The following OPCML variants were observed in gnomAD, a reference collection of about 807,000 sequenced individuals.
OPCML encodes opioid-binding protein/cell adhesion molecule.
In OPCML, 13 loss-of-function variants were observed where a neutral mutation model predicts 37.8. The ratio of observed to expected loss-of-function variants is 0.34; its 90% confidence interval spans 0.22 to 0.55. OPCML has a LOEUF of 0.55. Ranked by LOEUF, OPCML falls within the 20% of genes least tolerant of loss-of-function variation. The pLI, the probability that OPCML is intolerant of heterozygous loss-of-function variation, is 0.91. For missense variants in OPCML, 341 were observed against 435.6 expected, an observed-to-expected ratio of 0.78 and a Z score of 1.93; for synonymous variants, 176 against 168.8, an observed-to-expected ratio of 1.04 and a Z score of -0.33.
intron 1 of OPCML, chr11:133,008,742 C>T (rs1189744754): frequency 6.3e-6 from 2 of 317,800 alleles, no homozygotes; most frequent in African/African-American, 2.3e-5. Flanking sequence ...GATATGACTG[C>T]AACAATGTCC....
chr11:133,242,937 AT>A (rs1276946029), intron 1 of OPCML, among the ~76,000 whole-genome samples: 1 of 152,232 alleles, frequency 6.6e-6, no homozygotes, highest in African/African-American at 2.4e-5. Context: ...ATAGTAAAAA[AT>A]ATAAGTCAAA....
chr11:133,107,279 T>C (rs1312639711), intron 1 of OPCML, among the ~76,000 whole-genome samples: 1 of 152,200 alleles, frequency 6.6e-6, no homozygotes, highest in Non-Finnish European at 1.5e-5. Flanking sequence ...TGTTTGTGAT[T>C]TTCATTAGAG....
chr11:132,625,041 C>A (rs906245767), intron 3 of OPCML, among the ~76,000 whole-genome samples: 5 of 152,050 alleles, frequency 3.3e-5, no homozygotes, highest in African/African-American at 1.2e-4. Flanking sequence ...CTCTTGTTCC[C>A]CCCAAAATAA....
intron 1 of OPCML, among the ~76,000 whole-genome samples, chr11:133,451,709 G>T (rs1946583327): frequency 6.8e-6 from 1 of 148,134 alleles, no homozygotes; most frequent in African/African-American, 2.7e-5. Context: ...TGGGTGTGGT[G>T]GCGGGTGCCT....
rs191692163 is a variant in OPCML, at chr11:132,763,479, C to T, written c.147-106160G>A. Among the ~76,000 whole-genome samples, 251 of 152,210 alleles carry T rather than the reference C, an allele frequency of 1.6e-3. 2 individuals are homozygous for T. Among genetic ancestry groups the T allele is most frequent in the Middle Eastern group, 3.4e-3 (1 of 294 alleles). ...CACATTTGCCTAATTTGAAAAGTGACGCTCTTTCCACTATGCGTTGTGGCT... is the reference window on the plus strand; with the variant it reads ...CACATTTGCCTAATTTGAAAAGTGATGCTCTTTCCACTATGCGTTGTGGCT... On this transcript the variant is annotated intron_variant, in intron 2 of 7. Coordinates refer to ENST00000524381, the MANE Select transcript of OPCML (RefSeq NM_001012393.5).
intron 1 of OPCML, among the ~76,000 whole-genome samples, chr11:133,353,379 T>TA (rs1319213885): frequency 3.9e-5 from 6 of 152,078 alleles, no homozygotes; most frequent in Admixed American, 1.3e-4. Flanking sequence ...AGGCTGGTCT[T>TA]AAACTCCTGA....
chr11:133,472,097 CT>C (rs1346374111), intron 1 of OPCML, among the ~76,000 whole-genome samples: 1 of 151,940 alleles, frequency 6.6e-6, no homozygotes, highest in African/African-American at 2.4e-5. Flanking sequence ...TTTTTTTCTA[CT>C]GTCAAAAAGA....
intron 1 of OPCML, among the ~76,000 whole-genome samples, chr11:133,102,402 G>A (rs1039346721): frequency 2.0e-5 from 3 of 152,142 alleles, no homozygotes; most frequent in Non-Finnish European, 2.9e-5. Flanking sequence ...ATTGTTCTCA[G>A]GATGAGACAA....
chr11:133,409,047 G>A lies in OPCML; in HGVS notation c.61+123217C>T, dbSNP rs117222973. Among the ~76,000 whole-genome samples the A allele has an allele frequency of 3.7e-3, 562 of 152,262 alleles. 6 individuals are homozygous for A. Among genetic ancestry groups the A allele is most frequent in the Admixed American group, 7.5e-3 (115 of 15,306 alleles). ...ACCTGGAAGACAGAAGCAGTCCCTC[G>A]TGCATTCCTGAGCAAAGAACAGGCA... On this transcript the variant is annotated intron_variant, in intron 1 of 7. Transcript: ENST00000524381.
At chr11:133,176,340 T>C (rs1318641095) in intron 1 of OPCML, among the ~76,000 whole-genome samples, 1 of 151,224 alleles carries the variant, frequency 6.6e-6, no homozygotes, top group Non-Finnish European at 1.5e-5. Flanking sequence ...CATTTTCCTT[T>C]TTTTTTTTTT....
At chr11:132,885,887 T>C (rs1943392515) in intron 2 of OPCML, among the ~76,000 whole-genome samples, 2 of 152,186 alleles carry the variant, frequency 1.3e-5, no homozygotes, top group African/African-American at 4.8e-5. Context: ...CTTCATCGTT[T>C]CTCCTGTATC....
intron 2 of OPCML, among the ~76,000 whole-genome samples, chr11:132,832,586 A>G (rs551584286): frequency 6.6e-6 from 1 of 152,364 alleles, no homozygotes; most frequent in East Asian, 1.9e-4. Flanking sequence ...GCTCAAAGAA[A>G]CAAAAACGTG....
intron 1 of OPCML, among the ~76,000 whole-genome samples, chr11:133,235,649 A>T (rs183810639): frequency 1.3e-5 from 2 of 152,176 alleles, no homozygotes; most frequent in African/African-American, 4.8e-5. Context: ...TAGGAAACTG[A>T]ACGCTGGCTC....
intron 1 of OPCML, chr11:133,297,088 T>G (rs549772387): frequency 1.3e-5 from 2 of 152,172 alleles, no homozygotes; most frequent in Non-Finnish European, 2.9e-5. Context: ...GAAGGATGAA[T>G]AGGAACTGGC....
At chr11:133,333,310 T>A (rs4275641) in intron 1 of OPCML, among the ~76,000 whole-genome samples, 2 of 151,924 alleles carry the variant, frequency 1.3e-5, no homozygotes, top group Admixed American at 1.3e-4. Flanking sequence ...CCATCCACCT[T>A]GGCCTCCCAT....
intron 1 of OPCML, among the ~76,000 whole-genome samples, chr11:133,217,391 A>C (rs1049258930): frequency 3.3e-5 from 5 of 152,186 alleles, no homozygotes; most frequent in Admixed American, 2.0e-4. Flanking sequence ...GAAGGTTTGC[A>C]TTCCTGAAGC....
chr11:132,549,435 A>T (rs1161986072), intron 3 of OPCML, among the ~76,000 whole-genome samples: 1 of 152,208 alleles, frequency 6.6e-6, no homozygotes, highest in African/African-American at 2.4e-5. Flanking sequence ...TCAGTCAAAC[A>T]TCCCATGCTG....
chr11:132,602,499 T>A lies in OPCML; in HGVS notation c.379+54588A>T, dbSNP rs182262790. On this transcript the variant is annotated intron_variant, in intron 3 of 7. Transcript: ENST00000524381. ...CAGTTACAAAAAAATTCTGTTTGCT[T>A]CTGAGTCCCGGAAGGCAAGAGTTTG... is the stretch of plus-strand genomic sequence containing the variant. Among the ~76,000 whole-genome samples, 3 of 152,306 alleles carry A rather than the reference T, an allele frequency of 2.0e-5. No individual in the cohort carries two copies. In the East Asian group the frequency reaches 5.8e-4, roughly 29 times the overall value.
intron 1 of OPCML, among the ~76,000 whole-genome samples, chr11:133,426,230 G>T (rs1374836115): frequency 3.3e-5 from 5 of 152,106 alleles, no homozygotes; most frequent in Non-Finnish European, 5.9e-5. Context: ...ACCAGATAAG[G>T]TTCTTAAAAT....
Sources: gnomAD v4.1 joint callset for allele counts (sites outside exome capture counted in the v4.1 genomes callset) on GRCh38, gnomAD v4.1.1 for gene constraint, MANE v1.5 for transcripts, NCBI Gene and HGNC (gene_info 2026-07-23, HGNC 2026-07-21) for gene names.